Variants in HMGB1 observed in about 807,000 individuals in gnomAD.
HMGB1 encodes the protein high mobility group box 1.
For missense variants in HMGB1, 79 were observed against 253.5 expected (o/e 0.31, Z 4.67); for synonymous variants, 81 against 84.0 (o/e 0.96, Z 0.19).
chr13:30,604,344 A>C (rs1261937935), intron 1 of HMGB1, among the ~76,000 whole-genome samples: 3 of 152,182 alleles, frequency 2.0e-5, no homozygotes, highest in African/African-American at 7.2e-5. Context: ...AGGAAGCAGA[A>C]ACAATAGGAG....
At chr13:30,508,482 A>G (rs994590306) in intron 1 of HMGB1, among the ~76,000 whole-genome samples, 3 of 152,178 alleles carry the variant, frequency 2.0e-5, no homozygotes, top group Non-Finnish European at 4.4e-5. Flanking sequence ...ACCGCACTCC[A>G]GTCTGATGAC....
At chr13:30,497,164 A>G (rs1207578585) in intron 1 of HMGB1, among the ~76,000 whole-genome samples, 3 of 152,116 alleles carry the variant, frequency 2.0e-5, no homozygotes, top group African/African-American at 7.2e-5. Context: ...TGTACTTGTC[A>G]ATACTACTGC....
rs1052641942 is a variant in HMGB1, at chr13:30,458,323, TCTC to T, written c.*3031_*3033del. On this transcript the variant is annotated 3_prime_UTR_variant, in exon 5 of 5. Coordinates refer to ENST00000341423, the MANE Select transcript of HMGB1 (RefSeq NM_002128.7). ...GTATTTCATTCAAAAACCAGTTGTC[TCTC>T]CTGTGTTTTTTTTTTTTTTTTGAGA... is the stretch of plus-strand genomic sequence containing the variant. 7.8e-6 allele frequency: 1 copy of T among 128,184 alleles called. No individual in the cohort carries two copies. Among genetic ancestry groups the T allele is most frequent in the Non-Finnish European group, 1.6e-5 (1 of 63,970 alleles). The allele number at this position is 128,184 out of a possible 1,614,324, so 7.9% of individuals were successfully genotyped here. A position where few individuals can be genotyped will look rare whatever the true frequency, so the allele number is the denominator to read the frequency against.
intron 1 of HMGB1, among the ~76,000 whole-genome samples, chr13:30,478,932 G>A (rs1381290792): frequency 4.0e-5 from 6 of 148,806 alleles, no homozygotes; most frequent in Admixed American, 6.7e-5. Flanking sequence ...GCAGTGGCGC[G>A]ATCTCAGCTC....
At chr13:30,577,937 C>T (rs550095502) in intron 1 of HMGB1, among the ~76,000 whole-genome samples, 4 of 152,196 alleles carry the variant, frequency 2.6e-5, no homozygotes, top group Non-Finnish European at 5.9e-5. Context: ...GCTTCCTTAG[C>T]ATTTCTTAGA....
chr13:30,590,863 T>C (rs1483408524), intron 1 of HMGB1, among the ~76,000 whole-genome samples: 1 of 152,134 alleles, frequency 6.6e-6, no homozygotes. Context: ...AGACACTGAA[T>C]CTGCCACATC....
At chr13:30,541,256 G>A (rs1358142241) in intron 1 of HMGB1, among the ~76,000 whole-genome samples, 1 of 150,200 alleles carries the variant, frequency 6.7e-6, no homozygotes, top group African/African-American at 2.5e-5. Flanking sequence ...TTACTTGGGA[G>A]GCTGAGGCAG....
At chr13:30,505,138 T>TA (rs1887822835) in intron 1 of HMGB1, among the ~76,000 whole-genome samples, 1 of 79,930 alleles carries the variant, frequency 1.3e-5, no homozygotes, top group Non-Finnish European at 2.6e-5. Flanking sequence ...CCCAGCTAAT[T>TA]TATATATATA....
chr13:30,460,751 G>A lies in HMGB1; in HGVS notation c.*606C>T, dbSNP rs140884987. 2.3e-3 allele frequency: 361 copies of A among 154,098 alleles called. No individual in the cohort carries two copies. The highest frequency in any genetic ancestry group is 0.019 in the East Asian group (101 of 5,194). 9.5% of individuals were successfully genotyped at this position (154,098 alleles called of 1,614,324 possible). ...CTTTACCCCCATTATGATATGCAGG[G>A]TGTGTAGACAAAAGCTTTTTATTAG... On this transcript the variant is annotated 3_prime_UTR_variant, in exon 5 of 5. Transcript: ENST00000341423.
At chr13:30,519,462 A>G (rs1044074942) in intron 1 of HMGB1, among the ~76,000 whole-genome samples, 28 of 151,624 alleles carry the variant, frequency 1.8e-4, no homozygotes, top group African/African-American at 4.1e-4. Flanking sequence ...TTGGGAGGCC[A>G]AGGTGGGCGG....
intron 1 of HMGB1, among the ~76,000 whole-genome samples, chr13:30,536,648 C>G (rs1233771664): frequency 6.6e-6 from 1 of 152,130 alleles, no homozygotes; most frequent in East Asian, 1.9e-4. Flanking sequence ...CCATGCCCGG[C>G]CTAAAAATTA....
intron 1 of HMGB1, among the ~76,000 whole-genome samples, chr13:30,490,049 G>C (rs1416878244): frequency 7.9e-6 from 1 of 126,156 alleles, no homozygotes; most frequent in Non-Finnish European, 1.7e-5. Context: ...AAAAAAAAAA[G>C]CTGGAGAGTT....
chr13:30,582,708 C>G lies in HMGB1; in HGVS notation c.-15+33963G>C, dbSNP rs142092729. On this transcript the variant is annotated intron_variant, in intron 1 of 4. Transcript: ENST00000405805. ...AAAAATTACAGTCCAAGAAGAAGGGCCATAGCTGTTTAAATCAATTGGTAT... is the reference window on the plus strand; with the variant it reads ...AAAAATTACAGTCCAAGAAGAAGGGGCATAGCTGTTTAAATCAATTGGTAT... Among the ~76,000 whole-genome samples the G allele has an allele frequency of 1.9e-3, 294 of 151,972 alleles. 3 individuals carry two copies. The highest frequency in any genetic ancestry group is 6.2e-3 in the African/African-American group (259 of 41,490).
At chr13:30,555,071 CT>C (rs1416129385) in intron 1 of HMGB1, among the ~76,000 whole-genome samples, 28 of 111,358 alleles carry the variant, frequency 2.5e-4, no homozygotes, top group Non-Finnish European at 4.5e-4. Context: ...GACGGAGTCT[CT>C]GCTCTGTTGC....
Position 30,498,527 on chromosome 13 carries a change from C to T in HMGB1, c.-14-34833G>A, listed in dbSNP as rs146381077. On this transcript the variant is annotated intron_variant, in intron 1 of 4. Transcript: ENST00000405805. ...GCAAGGTCTACATCACTCACTCTAT[C>T]CCTTTATGCCCCCCACCACCCCACG... Among the ~76,000 whole-genome samples, 1,017 of 152,058 alleles carry T rather than the reference C, an allele frequency of 6.7e-3. 6 individuals carry two copies. The highest frequency in any genetic ancestry group is 0.021 in the Middle Eastern group (6 of 292).
chr13:30,542,633 C>T (rs181119248), intron 1 of HMGB1: 1 of 177,636 alleles, frequency 5.6e-6, no homozygotes, highest in South Asian at 1.0e-4. Context: ...GAAAATGCCA[C>T]AGCCTGGCTG....
At chr13:30,601,003 G>C (rs1431763973) in intron 1 of HMGB1, among the ~76,000 whole-genome samples, 2 of 152,140 alleles carry the variant, frequency 1.3e-5, no homozygotes, top group Non-Finnish European at 2.9e-5. Context: ...CACAAAAGAA[G>C]TAAAAATAAC....
chr13:30,529,784 C>A (rs1219429765), intron 1 of HMGB1, among the ~76,000 whole-genome samples: 1 of 150,676 alleles, frequency 6.6e-6, no homozygotes, highest in African/African-American at 2.4e-5. Context: ...TAACAGATTT[C>A]TATGCAAAAA....
intron 1 of HMGB1, among the ~76,000 whole-genome samples, chr13:30,545,728 C>G (rs1232881874): frequency 6.6e-6 from 1 of 152,146 alleles, no homozygotes. Context: ...CAAGGTCTTA[C>G]TCTGTATCCC....
Sources: allele counts gnomAD v4.1 joint callset (sites outside exome capture counted in the v4.1 genomes callset), GRCh38; gene constraint gnomAD v4.1.1; transcripts MANE v1.5; gene names NCBI Gene and HGNC (gene_info 2026-07-23, HGNC 2026-07-21).